Variants in TXNDC11 observed in about 807,000 individuals in gnomAD.
TXNDC11 encodes the protein thioredoxin domain-containing protein 11.
TXNDC11 carries 68 observed loss-of-function variants against 78.0 expected under a neutral mutation model. The observed-to-expected ratio is 0.87, with a 90% CI of 0.72 to 1.07. TXNDC11 has a LOEUF of 1.07. Among genes scored for constraint, TXNDC11 ranks in the 50% least tolerant of loss-of-function variants. TXNDC11 has a pLI of 0.00. For missense variants in TXNDC11, 1,389 were observed against 1,221.8 expected, an observed-to-expected ratio of 1.14 and a Z score of -2.04; for synonymous variants, 571 against 495.2, an observed-to-expected ratio of 1.15 and a Z score of -2.03.
intron 4 of TXNDC11, among the ~76,000 whole-genome samples, chr16:11,724,640 G>A (rs541386616): frequency 8.5e-5 from 13 of 152,258 alleles, no homozygotes; most frequent in African/African-American, 2.9e-4. Flanking sequence ...GTTAGTATAC[G>A]TTGTCCACAG....
Position 11,723,172 on chromosome 16 carries a change from C to T in TXNDC11, c.700-1502G>A, listed in dbSNP as rs1210928264. 2.0e-5 allele frequency among the ~76,000 whole-genome samples: 3 copies of T among 151,912 alleles called. No individual in the cohort carries two copies. In the East Asian group the frequency reaches 5.8e-4, roughly 29 times the overall value. ...ACTCGGAAAGCTGAGGCAAGAGAAT[C>T]CCTTGAACCCAGGGGGTGGAGGCTG... On this transcript the variant is annotated intron_variant, in intron 4 of 11. Transcript: ENST00000283033.
At chr16:11,708,440 A>T (rs1357689683) in intron 5 of TXNDC11, among the ~76,000 whole-genome samples, 1 of 152,206 alleles carries the variant, frequency 6.6e-6, no homozygotes, top group Non-Finnish European at 1.5e-5. Context: ...CCTATAGTAA[A>T]TAGCACTTGG....
In TXNDC11 at chr16:11,679,408, AAGG is replaced by A. The variant is rs777547479; in HGVS notation, c.2661_2663del (p.Leu888del). The A allele has an allele frequency of 1.9e-6, 3 of 1,613,074 alleles. No individual in the cohort carries two copies. The highest frequency in any genetic ancestry group is 2.5e-6 in the Non-Finnish European group (3 of 1,179,684). ...GGATCTTGAGCCACGTGTTCTCGGTAAGGAGGTTTTCTGAGGCATCGGCCAGCT... is the reference window on the plus strand; with the variant it reads ...GGATCTTGAGCCACGTGTTCTCGGTAAGGTTTTCTGAGGCATCGGCCAGCT... On this transcript the variant is annotated inframe_deletion, in exon 12 of 12. Transcript: ENST00000283033. The surrounding 1 kb of genome is among the most constrained non-coding windows in gnomAD (Gnocchi z 4.6).
intron 5 of TXNDC11, among the ~76,000 whole-genome samples, chr16:11,701,093 T>C (rs974530602): frequency 2.6e-5 from 4 of 151,740 alleles, no homozygotes; most frequent in Admixed American, 1.3e-4. Flanking sequence ...CATAATCTCA[T>C]TCATTTATTT....
chr16:11,707,708 CAA>C (rs1212017677), intron 5 of TXNDC11, among the ~76,000 whole-genome samples: 2 of 151,960 alleles, frequency 1.3e-5, no homozygotes, highest in Non-Finnish European at 2.9e-5. Flanking sequence ...CTCAGCCTCC[CAA>C]AGTGTTGGGA....
rs1165919815 is a variant in TXNDC11 at position 11,736,143 on chromosome 16, C to G, written c.345G>C (p.Leu115=). Residue 115 remains leucine, a synonymous_variant, in exon 2 of 12, where the codon CTG becomes CTC. Transcript: ENST00000283033. ...CCCGTCGAACGTACTCTGCATAATC[C>G]AGCTGCCCCTGGAAGAGGTCAAGGA... is the stretch of plus-strand genomic sequence containing the variant. ...SPVLDLFQGQ[L]DYAEYVRRDS... is the part of the protein sequence containing the mutation. 6.2e-7 allele frequency: 1 copy of G among 1,614,186 alleles called. No homozygotes were observed. Among genetic ancestry groups the G allele is most frequent in the South Asian group, 1.1e-5 (1 of 91,090 alleles).
intron 8 of TXNDC11, chr16:11,689,993 G>C (rs572096260): frequency 1.1e-3 from 170 of 152,264 alleles, no homozygotes; most frequent in African/African-American, 4.0e-3. Flanking sequence ...TTTACATAAA[G>C]CCTTTTCACA....
rs912755050 is a variant in TXNDC11 at position 11,709,626 on chromosome 16, G to A, written c.794-9062C>T. On this transcript the variant is annotated intron_variant, in intron 5 of 11. Transcript: ENST00000283033. ...ATTTTTTTGTATTTTTAGTAGAGAC[G>A]GGGTTTCACCATGTTAGCCAGGATG... Among the ~76,000 whole-genome samples, 11 of 151,260 alleles carry A rather than the reference G, an allele frequency of 7.3e-5. No homozygotes were observed. The East Asian group carries it at 7.8e-4, about 11-fold the overall frequency.
At position 11,739,415 on chromosome 16, in the gene TXNDC11, A is replaced by G. The variant is rs539508447; in HGVS notation, c.254+3062T>C. ...GTAGCATGTGCCTATAGTCCCAGCT[A>G]CTATACTCAGGAGGCTAAGGCAGGA... On this transcript the variant is annotated intron_variant, in intron 1 of 11. Coordinates refer to ENST00000283033, the MANE Select transcript of TXNDC11 (RefSeq NM_015914.7). Among the ~76,000 whole-genome samples, 98 of 152,256 alleles carry G rather than the reference A, an allele frequency of 6.4e-4. 1 individual carries two copies. The highest frequency in any genetic ancestry group is 1.3e-3 in the Non-Finnish European group (88 of 68,016).
At chr16:11,721,015 T>C (rs986218259) in intron 5 of TXNDC11, among the ~76,000 whole-genome samples, 1 of 151,850 alleles carries the variant, frequency 6.6e-6, no homozygotes, top group African/African-American at 2.4e-5. Flanking sequence ...GTGCTGGGAC[T>C]ACGGGCATGA....
chr16:11,701,248 T>C (rs2051013545), intron 5 of TXNDC11, among the ~76,000 whole-genome samples: 1 of 149,504 alleles, frequency 6.7e-6, no homozygotes, highest in Admixed American at 6.8e-5. Flanking sequence ...GCAATTCTCC[T>C]GCTTCAGCCT....
chr16:11,734,814 G>A (rs1442759223), intron 2 of TXNDC11, among the ~76,000 whole-genome samples: 5 of 152,150 alleles, frequency 3.3e-5, no homozygotes, highest in South Asian at 4.1e-4. Context: ...GCCTACACAC[G>A]TTACTTCACA....
chr16:11,730,749 G>A lies in TXNDC11; in HGVS notation c.595C>T (p.Pro199Ser). The part of the protein sequence containing the change: ...RSFGPIEYKG[P>S]MSAVYIEKFV... ...TTCTCAATGTAAACAGCACTCATGG[G>A]GCCTTTGTATTCGATTGGTCCAAAA... Residue 199 changes from proline (P) to serine (S), a missense_variant, in exon 4 of 12, where the codon CCC becomes TCC. Pro to Ser is a moderately conservative substitution (Grantham distance 74). Coordinates refer to ENST00000283033, the MANE Select transcript of TXNDC11 (RefSeq NM_015914.7). 1 of 1,605,116 alleles carries A rather than the reference G, an allele frequency of 6.2e-7. No individual in the cohort carries two copies. The highest frequency in any genetic ancestry group is 1.7e-5 in the Admixed American group (1 of 59,836).
At chr16:11,688,929 GTTTC>G (rs2141981220) in intron 8 of TXNDC11, among the ~76,000 whole-genome samples, 1 of 152,122 alleles carries the variant, frequency 6.6e-6, no homozygotes, top group Middle Eastern at 3.4e-3. Context: ...GGTTCTTTAA[GTTTC>G]TTTTTTTAAA....
At chr16:11,731,855 C>A (rs2052063499) in intron 3 of TXNDC11, among the ~76,000 whole-genome samples, 1 of 152,152 alleles carries the variant, frequency 6.6e-6, no homozygotes, top group Non-Finnish European at 1.5e-5. Flanking sequence ...TCAAGACTTA[C>A]TACAAATTAG....
chr16:11,703,459 T>C (rs999014376), intron 5 of TXNDC11, among the ~76,000 whole-genome samples: 3 of 151,944 alleles, frequency 2.0e-5, no homozygotes, highest in Non-Finnish European at 4.4e-5. Context: ...ATAAACCCTG[T>C]GATGTTAAAT....
At chr16:11,686,708 C>G (rs2050575951) in intron 10 of TXNDC11, among the ~76,000 whole-genome samples, 1 of 152,244 alleles carries the variant, frequency 6.6e-6, no homozygotes, top group East Asian at 1.9e-4. Flanking sequence ...AATTTCCCCA[C>G]TTGTTTATTT....
rs976078007 is a variant in TXNDC11 at position 11,742,567 on chromosome 16, G to A, written c.164C>T (p.Ala55Val). The A allele has an allele frequency of 6.9e-7, 1 of 1,457,414 alleles. No homozygotes were observed. The highest frequency in any genetic ancestry group is 9.0e-7 in the Non-Finnish European group (1 of 1,111,254). The allele number at this position is 1,457,414 out of a possible 1,614,324, so 90.3% of individuals were successfully genotyped here. The change falls in exon 1 of 12, where the codon GCC becomes GTC. Residue 55 changes from alanine to valine, a missense_variant. Transcript: ENST00000283033. ...AGRLRRGLRG[A>V]FLMARQRPEL... ...CGGCCGCTGGCGCGCCATGAGGAAG[G>A]CGCCACGCAGCCCGCGACGGAGCCG... is the stretch of plus-strand genomic sequence containing the variant.
intron 5 of TXNDC11, among the ~76,000 whole-genome samples, chr16:11,719,437 C>A (rs529660351): frequency 6.6e-6 from 1 of 152,204 alleles, no homozygotes; most frequent in Non-Finnish European, 1.5e-5. Context: ...TATATGACAG[C>A]TTTTCTCCCC....
Sources: allele counts gnomAD v4.1 joint callset (sites outside exome capture counted in the v4.1 genomes callset), GRCh38; gene constraint gnomAD v4.1.1; non-coding constraint Gnocchi (gnomAD v3.1); transcripts MANE v1.5; gene names NCBI Gene and HGNC (gene_info 2026-07-23, HGNC 2026-07-21).